KLRK1: variants seen among roughly 807,000 people sequenced by gnomAD.
The protein encoded by KLRK1 is killer cell lectin like receptor K1.
A neutral mutation model predicts 31.3 loss-of-function variants in KLRK1; 40 were observed. The observed-to-expected ratio is 1.28, with a 90% CI of 0.99 to 1.67. The LOEUF is 1.67. KLRK1 is among the 40% of genes most tolerant of loss of function. KLRK1 has a pLI of 0.00. For missense variants in KLRK1, 251 were observed against 260.0 expected (o/e 0.97, Z 0.24); for synonymous variants, 77 against 77.3 (o/e 1.00, Z 0.02).
chr12:10,373,298 T>C (rs1162920285), intron 7 of KLRK1, 67 bp from the exon 8 acceptor site: 2 of 1,369,330 alleles, frequency 1.5e-6, no homozygotes, highest in African/African-American at 1.5e-5. Context: ...AAATGAATCA[T>C]ACCTATTGAA....
At chr12:10,377,411 G>C (rs137966903) in intron 7 of KLRK1, among the ~76,000 whole-genome samples, 1 of 152,168 alleles carries the variant, frequency 6.6e-6, no homozygotes, top group Admixed American at 6.5e-5. Context: ...CAATAACTGG[G>C]AATTACCTAA....
intron 7 of KLRK1, among the ~76,000 whole-genome samples, chr12:10,375,468 CATTTAAGTGCTTA>C (rs1486700432): frequency 2.6e-5 from 4 of 152,258 alleles, no homozygotes; most frequent in African/African-American, 9.6e-5. Context: ...TGAAAGGATA[CATTTAAGTGCTTA>C]AATCTGTGTC....
chr12:10,379,408 T>C (rs1565492356), intron 5 of KLRK1, 39 bp downstream of exon 5: 1 of 1,266,664 alleles, frequency 7.9e-7, no homozygotes, highest in East Asian at 2.6e-5. Context: ...GGTAGATACA[T>C]ATAATATATG....
At position 10,378,131 on chromosome 12, in the gene KLRK1, C is replaced by T; in HGVS notation, c.533+1G>A. 2 of 1,613,554 alleles carry T rather than the reference C, an allele frequency of 1.2e-6. No homozygotes were observed. Among genetic ancestry groups the T allele is most frequent in the Non-Finnish European group, 1.7e-6 (2 of 1,179,804 alleles). ...AGAGACTCATTGGGTCAGAGACTTACAGGTTGGGTGAGAGAATGGAGCCAT... is the reference window on the plus strand; with the variant it reads ...AGAGACTCATTGGGTCAGAGACTTATAGGTTGGGTGAGAGAATGGAGCCAT... On this transcript the variant is annotated splice_donor_variant, in intron 7 of 7. Coordinates refer to ENST00000240618, the MANE Select transcript of KLRK1 (RefSeq NM_007360.4). LOFTEE classifies it high-confidence loss of function.
intron 2 of KLRK1, 136 bp from the exon 3 acceptor site, chr12:10,387,146 C>G: frequency 1.7e-6 from 1 of 591,822 alleles, no homozygotes; most frequent in Non-Finnish European, 2.9e-6. Flanking sequence ...CATGAACTTA[C>G]TTTTGTTTTA....
intron 7 of KLRK1, among the ~76,000 whole-genome samples, chr12:10,374,395 C>CTTTTTTTTTTTTTTTTTTTTTTTTTTT (rs1412379809): frequency 1.1e-5 from 1 of 93,926 alleles, no homozygotes; most frequent in African/African-American, 4.5e-5. Context: ...TTTCCTCTCT[C>CTTTTTTTTTTTTTTTTTTTTTTTTTTT]TCTTTTTTTT....
intron 1 of KLRK1, among the ~76,000 whole-genome samples, chr12:10,389,486 T>C (rs1863235333): frequency 6.6e-6 from 1 of 152,154 alleles, no homozygotes; most frequent in Non-Finnish European, 1.5e-5. Flanking sequence ...AGTGCTTAGA[T>C]TTCAAAAATA....
At chr12:10,377,265 A>G (rs919334385) in intron 7 of KLRK1, among the ~76,000 whole-genome samples, 1 of 152,234 alleles carries the variant, frequency 6.6e-6, no homozygotes, top group Non-Finnish European at 1.5e-5. Context: ...GCACTTTAAA[A>G]AAAGTTAAGT....
At chr12:10,389,885 AAATAT>A (rs1385728399) in intron 1 of KLRK1, 53 bp downstream of exon 1, 5 of 151,132 alleles carry the variant, frequency 3.3e-5, no homozygotes, top group Non-Finnish European at 7.4e-5. Context: ...TTTGAGGTTG[AAATAT>A]AATTTCTCAT....
At chr12:10,386,213 C>A (rs571605108) in intron 3 of KLRK1, among the ~76,000 whole-genome samples, 1 of 151,852 alleles carries the variant, frequency 6.6e-6, no homozygotes, top group Non-Finnish European at 1.5e-5. Flanking sequence ...ATTTTTGAGT[C>A]TCTCTCTGGG....
intron 3 of KLRK1, among the ~76,000 whole-genome samples, chr12:10,385,549 T>C (rs1863153057): frequency 6.6e-6 from 1 of 152,052 alleles, no homozygotes; most frequent in Non-Finnish European, 1.5e-5. Flanking sequence ...ATGTAGGAGA[T>C]ACAAACTTTT....
At chr12:10,379,866 A>T in intron 3 of KLRK1, 74 bp from the exon 4 acceptor site, 4 of 1,348,780 alleles carry the variant, frequency 3.0e-6, no homozygotes, top group Non-Finnish European at 3.0e-6. Context: ...TAATATAAAT[A>T]TTAGAGTTTT....
chr12:10,376,878 G>A (rs1180262048), intron 7 of KLRK1, among the ~76,000 whole-genome samples: 15 of 147,184 alleles, frequency 1.0e-4, no homozygotes, highest in Admixed American at 2.1e-4. Flanking sequence ...GTGCAGCGGC[G>A]CAATCTCGGC....
At chr12:10,387,152 T>C in intron 2 of KLRK1, 142 bp from the exon 3 acceptor site, 1 of 580,140 alleles carries the variant, frequency 1.7e-6, no homozygotes, top group South Asian at 2.4e-5. Flanking sequence ...CTTACTTTTG[T>C]TTTATAGTAC....
chr12:10,387,480 AAAAAT>A (rs1050694414), intron 2 of KLRK1, among the ~76,000 whole-genome samples: 10 of 152,286 alleles, frequency 6.6e-5, no homozygotes, highest in East Asian at 5.8e-4. Flanking sequence ...TGGGTATTTT[AAAAAT>A]AAAATAAAAA....
At chr12:10,382,778 C>T (rs1041403749) in intron 3 of KLRK1, among the ~76,000 whole-genome samples, 2 of 152,120 alleles carry the variant, frequency 1.3e-5, no homozygotes, top group Non-Finnish European at 1.5e-5. Context: ...ATAGTAATTA[C>T]AATTTATTAA....
At chr12:10,378,520 A>T (rs1863006377) in intron 6 of KLRK1, 34 bp downstream of exon 6, 2 of 1,604,440 alleles carry the variant, frequency 1.2e-6, no homozygotes, top group African/African-American at 2.7e-5. Context: ...GTTAGGATTA[A>T]ATACAGGATG....
At chr12:10,380,818 C>A (rs1015678721) in intron 3 of KLRK1, among the ~76,000 whole-genome samples, 3 of 152,164 alleles carry the variant, frequency 2.0e-5, no homozygotes, top group Non-Finnish European at 4.4e-5. Flanking sequence ...GGGGTCCCTC[C>A]TCTTCTCTGG....
intron 1 of KLRK1, 108 bp from the exon 2 acceptor site, chr12:10,388,983 T>A: frequency 1.6e-6 from 1 of 612,364 alleles, no homozygotes; most frequent in Non-Finnish European, 2.7e-6. Context: ...TGTGCATGCC[T>A]TTAAGAAAAG....
Sources: gnomAD v4.1 joint callset for allele counts (sites outside exome capture counted in the v4.1 genomes callset) on GRCh38, gnomAD v4.1.1 for gene constraint, MANE v1.5 for transcripts, NCBI Gene and HGNC (gene_info 2026-07-23, HGNC 2026-07-21) for gene names.